MBOAT1: variants seen among roughly 807,000 people sequenced by gnomAD.
The protein encoded by MBOAT1 is membrane-bound glycerophospholipid O-acyltransferase 1.
A neutral mutation model predicts 64.4 loss-of-function variants in MBOAT1; 67 were observed. The observed-to-expected ratio is 1.04, with a 90% CI of 0.85 to 1.27. The LOEUF is 1.27. MBOAT1 is among the 50% of genes most tolerant of loss of function. The pLI, the probability that MBOAT1 is intolerant of heterozygous loss-of-function variation, is 0.00. For synonymous variants in MBOAT1, 229 were observed against 218.9 expected, an observed-to-expected ratio of 1.05 and a Z score of -0.41; for missense variants, 563 against 604.6, an observed-to-expected ratio of 0.93 and a Z score of 0.72.
At chr6:20,162,215 G>T (rs1017512576) in intron 1 of MBOAT1, among the ~76,000 whole-genome samples, 3 of 152,062 alleles carry the variant, frequency 2.0e-5, no homozygotes, top group Non-Finnish European at 2.9e-5. Flanking sequence ...AATTTTGGGG[G>T]AACACATTTG....
chr6:20,179,444 AATGGTTTGTAGCTCC>A (rs1185340649), intron 1 of MBOAT1, among the ~76,000 whole-genome samples: 1 of 152,164 alleles, frequency 6.6e-6, no homozygotes, highest in East Asian at 1.9e-4. Flanking sequence ...TGCCGAGGAT[AATGGTTTGTAGCTCC>A]ATCCATGTCC....
chr6:20,140,137 G>A (rs1160483819), intron 4 of MBOAT1, among the ~76,000 whole-genome samples: 1 of 152,140 alleles, frequency 6.6e-6, no homozygotes, highest in Non-Finnish European at 1.5e-5. Context: ...TGCTTGCAAA[G>A]CCATCTGAGT....
chr6:20,194,543 A>C (rs762842107), intron 1 of MBOAT1, among the ~76,000 whole-genome samples: 5 of 152,196 alleles, frequency 3.3e-5, no homozygotes, highest in Non-Finnish European at 7.3e-5. Flanking sequence ...GGGTTTTTGC[A>C]AGGAAGACCA....
At chr6:20,195,948 T>A (rs150542223) in intron 1 of MBOAT1, among the ~76,000 whole-genome samples, 147 of 152,072 alleles carry the variant, frequency 9.7e-4, no homozygotes, top group Admixed American at 2.8e-3. Flanking sequence ...AGGTTGTGCA[T>A]AAAGCTAAGA....
At chr6:20,151,132 G>T in intron 3 of MBOAT1, 53 bp downstream of exon 3, 2 of 1,306,606 alleles carry the variant, frequency 1.5e-6, no homozygotes, top group Non-Finnish European at 2.2e-6. Flanking sequence ...ATATTTCAAA[G>T]ATCACAAAAA....
intron 1 of MBOAT1, among the ~76,000 whole-genome samples, chr6:20,176,174 C>T (rs982351276): frequency 6.6e-6 from 1 of 152,032 alleles, no homozygotes; most frequent in Non-Finnish European, 1.5e-5. Flanking sequence ...ATTCCACCTA[C>T]TAAGGAGGCC....
At position 20,111,867 on chromosome 6, in the gene MBOAT1, TAC is replaced by T. The variant is rs1491461226; in HGVS notation, c.1209+1007_1209+1008del. Among the ~76,000 whole-genome samples the T allele has an allele frequency of 8.0e-5, 11 of 138,234 alleles. 1 individual carries two copies. Among genetic ancestry groups the T allele is most frequent in the African/African-American group, 2.8e-4 (10 of 35,772 alleles). The allele number at this position is 138,234 out of a possible 152,430, so 90.7% of individuals were successfully genotyped here. A position where few individuals can be genotyped will look rare whatever the true frequency, so the allele number is the denominator to read the frequency against. ...ATATACATATATATATACATATATA[TAC>T]ATATATATATGTATATATATATATT... On this transcript the variant is annotated intron_variant, in intron 11 of 12. Transcript: ENST00000324607.
At chr6:20,166,708 C>T (rs1272685087) in intron 1 of MBOAT1, among the ~76,000 whole-genome samples, 8 of 152,142 alleles carry the variant, frequency 5.3e-5, no homozygotes, top group South Asian at 2.1e-4. Flanking sequence ...GAGGCCGAGG[C>T]GGGAGGATGG....
intron 4 of MBOAT1, among the ~76,000 whole-genome samples, chr6:20,134,902 CTTTTTT>C (rs3057688): frequency 4.8e-5 from 5 of 104,736 alleles, no homozygotes; most frequent in Non-Finnish European, 3.8e-5. Flanking sequence ...AATTCATGTT[CTTTTTT>C]TTTTTTTTTT....
chr6:20,108,028 G>A (rs917040057), intron 12 of MBOAT1, among the ~76,000 whole-genome samples: 1 of 152,160 alleles, frequency 6.6e-6, no homozygotes, highest in African/African-American at 2.4e-5. Flanking sequence ...CCCTAGGTGG[G>A]CACAAGGAGG....
intron 1 of MBOAT1, among the ~76,000 whole-genome samples, chr6:20,205,440 C>T (rs549881332): frequency 1.3e-5 from 2 of 152,250 alleles, no homozygotes; most frequent in African/African-American, 4.8e-5. Flanking sequence ...GCTAAAGCTC[C>T]AGGACACACT....
At chr6:20,157,592 T>A (rs1053993527) in intron 1 of MBOAT1, among the ~76,000 whole-genome samples, 4 of 152,088 alleles carry the variant, frequency 2.6e-5, no homozygotes, top group Non-Finnish European at 5.9e-5. Flanking sequence ...ACAGTGATAC[T>A]CTAAGGAACT....
At chr6:20,193,902 G>A (rs1291696381) in intron 1 of MBOAT1, among the ~76,000 whole-genome samples, 1 of 152,146 alleles carries the variant, frequency 6.6e-6, no homozygotes, top group African/African-American at 2.4e-5. Context: ...ACTGCGCCCA[G>A]CCAATCCTTT....
At chr6:20,157,555 A>G (rs1421842644) in intron 1 of MBOAT1, among the ~76,000 whole-genome samples, 1 of 152,186 alleles carries the variant, frequency 6.6e-6, no homozygotes, top group Non-Finnish European at 1.5e-5. Context: ...CATTCCCTGC[A>G]CTACCTACGT....
At chr6:20,200,851 G>A (rs953775374) in intron 1 of MBOAT1, among the ~76,000 whole-genome samples, 66 of 152,138 alleles carry the variant, frequency 4.3e-4, no homozygotes, top group African/African-American at 1.5e-3. Flanking sequence ...GTGTATGTCC[G>A]CTGCTTGAAC....
intron 1 of MBOAT1, among the ~76,000 whole-genome samples, chr6:20,184,348 G>T (rs535213537): frequency 3.3e-5 from 5 of 152,088 alleles, no homozygotes; most frequent in Non-Finnish European, 7.4e-5. Flanking sequence ...GGTGAGGGGG[G>T]ACAGGTGGAG....
chr6:20,120,743 G>C (rs1760472158), intron 8 of MBOAT1, among the ~76,000 whole-genome samples: 1 of 152,144 alleles, frequency 6.6e-6, no homozygotes, highest in East Asian at 1.9e-4. Context: ...TCCACAACCT[G>C]AGCAGGTAAG....
At chr6:20,122,308 C>T (rs1310291223) in intron 8 of MBOAT1, among the ~76,000 whole-genome samples, 1 of 152,184 alleles carries the variant, frequency 6.6e-6, no homozygotes, top group African/African-American at 2.4e-5. Flanking sequence ...AAGAAGACTA[C>T]TGAACCTTCC....
intron 1 of MBOAT1, among the ~76,000 whole-genome samples, chr6:20,155,150 C>T (rs774122059): frequency 6.6e-6 from 1 of 152,312 alleles, no homozygotes; most frequent in Non-Finnish European, 1.5e-5. Context: ...GTGGTTCTCA[C>T]GAGTGTAGTC....
Sources: gnomAD v4.1 joint callset for allele counts (sites outside exome capture counted in the v4.1 genomes callset) on GRCh38, gnomAD v4.1.1 for gene constraint, MANE v1.5 for transcripts, NCBI Gene and HGNC (gene_info 2026-07-23, HGNC 2026-07-21) for gene names.